IQGAP1: variants seen among roughly 807,000 people sequenced by gnomAD.
IQGAP1 encodes IQ motif containing GTPase activating protein 1, also known as ras GTPase-activating-like protein IQGAP1.
IQGAP1 carries 66 observed loss-of-function variants against 215.6 expected under a neutral mutation model. The observed-to-expected ratio is 0.31, with a 90% CI of 0.25 to 0.38. The LOEUF (loss-of-function observed/expected upper bound fraction) is 0.38. Ranked by LOEUF, IQGAP1 falls within the 10% of genes least tolerant of loss-of-function variation. The probability of loss-of-function intolerance (pLI) is 1.00; values close to 1 mark genes in which losing one functional copy is unlikely to be tolerated. For missense variants in IQGAP1, 1,712 were observed against 1,997.1 expected, an observed-to-expected ratio of 0.86 and a Z score of 2.72; for synonymous variants, 772 against 728.7, an observed-to-expected ratio of 1.06 and a Z score of -0.96.
chr15:90,407,174 T>TGACAACCAACTA (rs1161453492), intron 2 of IQGAP1, among the ~76,000 whole-genome samples: 1 of 152,228 alleles, frequency 6.6e-6, no homozygotes, highest in East Asian at 1.9e-4. Flanking sequence ...GGTTGTCCAT[T>TGACAACCAACTA]AGTTGAGACT....
intron 11 of IQGAP1, among the ~76,000 whole-genome samples, chr15:90,452,085 C>T (rs1965611680): frequency 6.6e-6 from 1 of 152,138 alleles, no homozygotes; most frequent in Admixed American, 6.5e-5. Flanking sequence ...GCCTTGGCCT[C>T]CCAAAGTGCT....
rs568536060 is a variant in IQGAP1 at position 90,418,598 on chromosome 15, A to T, written c.156-7512A>T. Among the ~76,000 whole-genome samples the T allele has an allele frequency of 8.5e-3, 1,280 of 150,078 alleles. 10 individuals are homozygous for T. The highest frequency in any genetic ancestry group is 0.029 in the African/African-American group (1,166 of 40,894). Reference sequence around the variant, plus strand: ...AGCGAGACACTGTCTCAAAAAAAAAATTAAAAGACTGTAATTAAAGATAGC... The same window carrying T: ...AGCGAGACACTGTCTCAAAAAAAAATTTAAAAGACTGTAATTAAAGATAGC... On this transcript the variant is annotated intron_variant, in intron 2 of 37. Transcript: ENST00000268182.
intron 2 of IQGAP1, among the ~76,000 whole-genome samples, chr15:90,409,330 C>T (rs571096811): frequency 2.7e-4 from 41 of 150,796 alleles, no homozygotes; most frequent in African/African-American, 7.8e-4. Context: ...CTCCACCTCC[C>T]GGCTTCAAGC....
rs1966137241 is a variant in IQGAP1, at chr15:90,487,077, C to A, written c.4148C>A (p.Thr1383Asn). Residue 1383 changes from threonine (T) to asparagine (N), a missense_variant, in exon 32 of 38, where the codon ACC becomes AAC. Around this residue, in one of 2 missense-constraint regions of IQGAP1, gnomAD observed 691 missense variants for 923.0 expected, o/e 0.75. Transcript: ENST00000268182. The stretch of plus-strand genomic sequence containing the variant: ...GAGAATGCAGAAATGGATGCTCGAA[C>A]CATCTTACTGAAGTGAGTATCAAAA... ...GDENAEMDARTILLNTKRLIV... is the reference protein window; with the variant it reads ...GDENAEMDARNILLNTKRLIV... 6.2e-7 allele frequency: 1 copy of A among 1,613,860 alleles called. No individual in the cohort carries two copies.
chr15:90,486,355 T>C (rs1411294011), intron 31 of IQGAP1: 1 of 361,380 alleles, frequency 2.8e-6, no homozygotes, highest in Non-Finnish European at 5.0e-6. Context: ...GAAAAGATCA[T>C]TTTAAACGCA....
chr15:90,473,788 A>G lies in IQGAP1; in HGVS notation c.2423A>G (p.Glu808Gly). 1 of 1,612,690 alleles carries G rather than the reference A, an allele frequency of 6.2e-7. No individual in the cohort carries two copies. ...GCTTACCTGCGCTCCCACAAAGATG[A>G]AGTTGTAAAGGTATGGTAGCCTGAA... is the stretch of plus-strand genomic sequence containing the variant. ...RLAYLRSHKD[E>G]VVKIQSLARM... Residue 808 changes from glutamate to glycine, a missense_variant, in exon 20 of 38, where the codon GAA (glutamate) becomes GGA (glycine). Physicochemically the swap from Glu to Gly is moderately conservative, Grantham distance 98. Around this residue, in one of 2 missense-constraint regions of IQGAP1, gnomAD observed 1,021 missense variants for 1,074.2 expected, o/e 0.95. Transcript: ENST00000268182.
At chr15:90,485,639 CA>C (rs1210801787) in intron 30 of IQGAP1, among the ~76,000 whole-genome samples, 1 of 152,138 alleles carries the variant, frequency 6.6e-6, no homozygotes, top group Non-Finnish European at 1.5e-5. Context: ...AGGGTTTCAT[CA>C]TGTTGTCCAG....
intron 5 of IQGAP1, among the ~76,000 whole-genome samples, chr15:90,437,274 A>G (rs921744404): frequency 1.4e-4 from 22 of 152,162 alleles, no homozygotes; most frequent in Non-Finnish European, 3.1e-4. Context: ...CATTGATCCA[A>G]TCACCTCTCA....
intron 11 of IQGAP1, among the ~76,000 whole-genome samples, chr15:90,451,436 G>A (rs1484179757): frequency 6.6e-6 from 1 of 152,138 alleles, no homozygotes; most frequent in African/African-American, 2.4e-5. Context: ...GTGAGTAGGG[G>A]TCCTGGCTTT....
chr15:90,419,892 A>G (rs1965108650), intron 2 of IQGAP1, among the ~76,000 whole-genome samples: 1 of 152,212 alleles, frequency 6.6e-6, no homozygotes, highest in Non-Finnish European at 1.5e-5. Flanking sequence ...AAGTTCAGAG[A>G]TGAGCAAAAG....
chr15:90,486,061 C>G lies in IQGAP1; in HGVS notation c.3953C>G (p.Pro1318Arg). The change falls in exon 31 of 38, where the codon CCG (proline) becomes CGG (arginine). Residue 1318 changes from proline (P) to arginine (R), a missense_variant. By Grantham distance (103) the Pro-to-Arg change is moderately radical. This residue lies in a region of IQGAP1 where 691 missense variants were observed against 923.0 expected (regional missense o/e 0.75). Coordinates refer to ENST00000268182, the MANE Select transcript of IQGAP1 (RefSeq NM_003870.4). ...TTGGATCACCAGGATGCCATTGCTC[C>G]GGAGCACAATGATCCAATCCACGAA... ...LLLDHQDAIAPEHNDPIHELL... is the reference protein window; with the variant it reads ...LLLDHQDAIAREHNDPIHELL... The G allele has an allele frequency of 6.2e-7, 1 of 1,613,868 alleles. No homozygotes were observed. Among genetic ancestry groups the G allele is most frequent in the Non-Finnish European group, 8.5e-7 (1 of 1,179,908 alleles).
chr15:90,466,130 T>TG lies in IQGAP1; in HGVS notation c.1867+43dup, dbSNP rs138152310. 3.1e-3 allele frequency: 4,928 copies of TG among 1,601,718 alleles called. 97 individuals are homozygous for TG. In the African/African-American group the frequency reaches 0.051, roughly 16 times the overall value. Reference sequence around the variant, plus strand: ...GTTTTATTTCTGTTTTGGTGGAGGCTGGGGTGACAAGGTGCTCCGTACAGC... The same window carrying TG: ...GTTTTATTTCTGTTTTGGTGGAGGCTGGGGGTGACAAGGTGCTCCGTACAGC... On this transcript the variant is annotated intron_variant, in intron 16 of 37. Transcript: ENST00000268182.
chr15:90,454,661 A>G (rs1965654209), intron 14 of IQGAP1, 109 bp downstream of exon 14: 1 of 1,218,936 alleles, frequency 8.2e-7, no homozygotes, highest in South Asian at 1.6e-5. Flanking sequence ...TGAGAGATTG[A>G]AAATATCTAT....
At position 90,470,068 on chromosome 15, in the gene IQGAP1, T is replaced by C. The variant is rs545580217; in HGVS notation, c.2178+2476T>C. On this transcript the variant is annotated intron_variant, in intron 18 of 37. Coordinates refer to ENST00000268182, the MANE Select transcript of IQGAP1 (RefSeq NM_003870.4). Reference sequence around the variant, plus strand: ...CTCCACAGAAACACTCATGTTTGAATAGTGTTTTGCATATATGGACCTAAG... The same window carrying C: ...CTCCACAGAAACACTCATGTTTGAACAGTGTTTTGCATATATGGACCTAAG... Among the ~76,000 whole-genome samples the C allele has an allele frequency of 3.3e-5, 5 of 152,202 alleles. No individual in the cohort carries two copies. The South Asian group carries it at 1.0e-3, about 32-fold the overall frequency.
Position 90,429,650 on chromosome 15 carries a change from A to C in IQGAP1, c.374A>C (p.Glu125Ala), listed in dbSNP as rs764973369. The change falls in exon 4 of 38, where the codon GAG becomes GCG. Residue 125 changes from glutamate to alanine, a missense_variant. Physicochemically the swap from Glu to Ala is moderately radical, Grantham distance 107 (BLOSUM62 -1). Transcript: ENST00000268182. ...NVIQWLNAMD[E>A]IGLPKIFYPE... is the part of the protein sequence containing the mutation. ...ATTCAGTGGTTGAATGCCATGGATG[A>C]GATTGGATTGCCTAAGGTAACTTAC... 3 of 1,607,148 alleles carry C rather than the reference A, an allele frequency of 1.9e-6. No homozygotes were observed. The highest frequency in any genetic ancestry group is 2.2e-5 in the South Asian group (2 of 89,652).
chr15:90,456,197 A>G lies in IQGAP1; in HGVS notation c.1658A>G (p.Asp553Gly). The change falls in exon 15 of 38, where the codon GAT (aspartate) becomes GGT (glycine). Residue 553 changes from aspartate to glycine, a missense_variant. Asp to Gly is a moderately conservative substitution (Grantham distance 94). Around this residue, in one of 2 missense-constraint regions of IQGAP1, gnomAD observed 1,021 missense variants for 1,074.2 expected, o/e 0.95. Coordinates refer to ENST00000268182, the MANE Select transcript of IQGAP1 (RefSeq NM_003870.4). ...GLINEALDEG[D>G]AQKTLQALQI... ...ATTAATGAAGCCCTGGATGAAGGTG[A>G]TGCCCAAAAGACTCTGCAGGCCCTA... 6.2e-7 allele frequency: 1 copy of G among 1,614,132 alleles called. No homozygotes were observed. Among genetic ancestry groups the G allele is most frequent in the Middle Eastern group, 1.6e-4 (1 of 6,062 alleles).
At position 90,486,070 on chromosome 15, in the gene IQGAP1, A is replaced by G. The variant is rs141625521; in HGVS notation, c.3962A>G (p.Asn1321Ser). ...DHQDAIAPEHNDPIHELLDDL... is the reference protein window; with the variant it reads ...DHQDAIAPEHSDPIHELLDDL... ...CAGGATGCCATTGCTCCGGAGCACA[A>G]TGATCCAATCCACGAACTGCTGGAC... The change falls in exon 31 of 38, where the codon AAT (asparagine) becomes AGT (serine). Residue 1321 changes from asparagine to serine, a missense_variant. Coordinates refer to ENST00000268182, the MANE Select transcript of IQGAP1 (RefSeq NM_003870.4). 4 of 1,613,942 alleles carry G rather than the reference A, an allele frequency of 2.5e-6. 1 individual carries two copies. The South Asian group carries it at 4.4e-5, about 18-fold the overall frequency.
chr15:90,484,235 T>C lies in IQGAP1; in HGVS notation c.3804T>C (p.Thr1268=), dbSNP rs943494137. Reference sequence around the variant, plus strand: ...CTTATTTCAGACGGTTTTTCCAAACTGCTTGTGATGTCCCAGAGCTTCAGG... The same window carrying C: ...CTTATTTCAGACGGTTTTTCCAAACCGCTTGTGATGTCCCAGAGCTTCAGG... ...SYQKFRRFFQ[T]ACDVPELQDK... The change falls in exon 30 of 38, where the codon ACT becomes ACC. Residue 1268 remains threonine (T), a synonymous_variant. Transcript: ENST00000268182. The C allele has an allele frequency of 1.9e-6, 3 of 1,613,858 alleles. No homozygotes were observed. The highest frequency in any genetic ancestry group is 1.7e-5 in the Admixed American group (1 of 59,958).
intron 8 of IQGAP1, among the ~76,000 whole-genome samples, chr15:90,441,891 G>A (rs538812894): frequency 6.6e-6 from 1 of 152,124 alleles, no homozygotes; most frequent in South Asian, 2.1e-4. Context: ...TTTGCAATTA[G>A]TTTCCACCTT....
Sources: gnomAD v4.1 joint callset for allele counts (sites outside exome capture counted in the v4.1 genomes callset) on GRCh38, gnomAD v4.1.1 for gene constraint, gnomAD v4.1.1 regional missense constraint, MANE v1.5 for transcripts, NCBI Gene and HGNC (gene_info 2026-07-23, HGNC 2026-07-21) for gene names.